The following EBF3 variants were observed in gnomAD, a reference collection of about 807,000 sequenced individuals.
The protein encoded by EBF3 is transcription factor COE3.
Under a neutral mutation model 77.1 loss-of-function variants are expected in EBF3, and 18 were observed. That is an observed-to-expected ratio of 0.23 (90% CI 0.16 to 0.35). The LOEUF (loss-of-function observed/expected upper bound fraction) is 0.35. Ranked by LOEUF, EBF3 falls within the 10% of genes least tolerant of loss-of-function variation. EBF3 has a pLI of 1.00. For synonymous variants in EBF3, 350 were observed against 343.5 expected, an observed-to-expected ratio of 1.02 and a Z score of -0.21; for missense variants, 558 against 860.0, an observed-to-expected ratio of 0.65 and a Z score of 4.39.
intron 6 of EBF3, among the ~76,000 whole-genome samples, chr10:129,884,666 C>T (rs947474251): frequency 1.3e-4 from 20 of 152,320 alleles, no homozygotes; most frequent in Non-Finnish European, 2.9e-4. Context: ...GGGGGCTCCC[C>T]TCTCCAGGCG....
At chr10:129,960,904 G>C (rs1859463453) in intron 4 of EBF3, among the ~76,000 whole-genome samples, 1 of 152,030 alleles carries the variant, frequency 6.6e-6, no homozygotes, top group South Asian at 2.1e-4. Flanking sequence ...GAGTTCCAGA[G>C]GCTTCTCTGA....
rs1394717494 is a variant in EBF3, at chr10:129,837,884, TC to T, written c.*58del. The T allele has an allele frequency of 6.2e-7, 1 of 1,613,770 alleles. No homozygotes were observed. The highest frequency in any genetic ancestry group is 1.3e-5 in the African/African-American group (1 of 75,056). On this transcript the variant is annotated 3_prime_UTR_variant, in exon 17 of 17. Transcript: ENST00000440978. ...AATATACTAAACGTGTCCCCTGAAG[TC>T]CGTCCTTTGATGCTGGGTGCTGCGG...
chr10:129,903,800 T>C (rs1477682936), intron 6 of EBF3, among the ~76,000 whole-genome samples: 1 of 152,182 alleles, frequency 6.6e-6, no homozygotes, highest in Non-Finnish European at 1.5e-5. Flanking sequence ...GGAATTTTAA[T>C]TGCTGCAAAG....
At chr10:129,862,759 A>G (rs1851729927) in intron 10 of EBF3, among the ~76,000 whole-genome samples, 1 of 152,236 alleles carries the variant, frequency 6.6e-6, no homozygotes, top group Non-Finnish European at 1.5e-5. Context: ...AATTAGATGC[A>G]TACAAATTCC....
chr10:129,922,802 C>A (rs1465188384), intron 6 of EBF3, among the ~76,000 whole-genome samples: 2 of 152,228 alleles, frequency 1.3e-5, no homozygotes, highest in Non-Finnish European at 2.9e-5. Flanking sequence ...ACATCTTACA[C>A]AACCCAGCAC....
At chr10:129,873,289 T>A (rs893512502) in intron 8 of EBF3, among the ~76,000 whole-genome samples, 163 bp downstream of exon 8, 4 of 152,186 alleles carry the variant, frequency 2.6e-5, no homozygotes, top group African/African-American at 9.6e-5. Context: ...AGGAGGGCTG[T>A]CTCCCCTTCC....
At position 129,957,439 on chromosome 10, in the gene EBF3, A is replaced by G. The variant is rs1257384393; in HGVS notation, c.486-113T>C. ...AATGAAGCGGTAGGAGTCAACTACC[A>G]AGGCAGTTTGGAGAATTTAAACCCA... On this transcript the variant is annotated intron_variant, in intron 5 of 16. Transcript: ENST00000440978. 5.7e-5 allele frequency: 48 copies of G among 838,528 alleles called. 1 individual carries two copies. The Admixed American group carries it at 1.2e-3, about 21-fold the overall frequency. 51.9% of individuals were successfully genotyped at this position (838,528 alleles called of 1,614,324 possible). A position where few individuals can be genotyped will look rare whatever the true frequency, so the allele number is the denominator to read the frequency against.
In EBF3 at chr10:129,835,769, G is replaced by A. The variant is rs969970993; in HGVS notation, c.*2174C>T. 2 of 150,924 alleles carry A rather than the reference G, an allele frequency of 1.3e-5. No homozygotes were observed. The highest frequency in any genetic ancestry group is 3.4e-3 in the Middle Eastern group (1 of 294). 9.3% of individuals were successfully genotyped at this position (150,924 alleles called of 1,614,324 possible). A position where few individuals can be genotyped will look rare whatever the true frequency, so the allele number is the denominator to read the frequency against. On this transcript the variant is annotated 3_prime_UTR_variant, in exon 17 of 17. Transcript: ENST00000440978. ...AGGTATTTTAAAGTCCCTCCTTTTT[G>A]TTTTAAATTCGATTTCTGCTGCAGT...
At chr10:129,915,499 A>ACAC (rs59533376) in intron 6 of EBF3, among the ~76,000 whole-genome samples, 7,031 of 91,130 alleles carry the variant, frequency 0.077, 221 homozygotes, top group African/African-American at 0.16. Context: ...CACACACACA[A>ACAC]AAAAGCCAAG....
chr10:129,936,788 A>ACCCTCG (rs1857396065), intron 6 of EBF3, among the ~76,000 whole-genome samples: 2 of 151,662 alleles, frequency 1.3e-5, no homozygotes, highest in African/African-American at 4.8e-5. Context: ...GGGGACCCTC[A>ACCCTCG]GCTGTGTGGG....
chr10:129,944,125 TAAATA>T lies in EBF3; in HGVS notation c.554+13128_554+13132del, dbSNP rs1307652180. On this transcript the variant is annotated intron_variant, in intron 6 of 16. Transcript: ENST00000440978. This position sits in a 1 kb window ranked among gnomAD's most constrained non-coding sequence, Gnocchi z 5.1. ...TAATCAAGTTATTCCTGTAAAATCC[TAAATA>T]AAATGAGAATTTTATTAAAGATATT... 3.9e-5 allele frequency among the ~76,000 whole-genome samples: 6 copies of T among 152,220 alleles called. No individual in the cohort carries two copies. Among genetic ancestry groups the T allele is most frequent in the Admixed American group, 1.3e-4 (2 of 15,284 alleles).
chr10:129,869,213 T>C (rs1158989126), intron 8 of EBF3, among the ~76,000 whole-genome samples: 1 of 152,154 alleles, frequency 6.6e-6, no homozygotes, highest in Non-Finnish European at 1.5e-5. Flanking sequence ...TGCCTTAGCA[T>C]TTGGGGGTGT....
chr10:129,947,675 C>A lies in EBF3; in HGVS notation c.554+9583G>T, dbSNP rs1858329500. 1.4e-5 allele frequency among the ~76,000 whole-genome samples: 2 copies of A among 147,082 alleles called. No individual in the cohort carries two copies. ...TTCATTTCTTTCTTTGCAAAGGAACCAAATGCTTTGAAAAAAAAAAAAAAA... is the reference window on the plus strand; with the variant it reads ...TTCATTTCTTTCTTTGCAAAGGAACAAAATGCTTTGAAAAAAAAAAAAAAA... On this transcript the variant is annotated intron_variant, in intron 6 of 16. Coordinates refer to ENST00000440978, the MANE Select transcript of EBF3 (RefSeq NM_001375380.1). This position sits in a 1 kb window ranked among gnomAD's most constrained non-coding sequence, Gnocchi z 4.5.
chr10:129,917,340 G>C (rs923221698), intron 6 of EBF3, among the ~76,000 whole-genome samples: 3 of 152,152 alleles, frequency 2.0e-5, no homozygotes, highest in African/African-American at 7.2e-5. Context: ...CTGCACTCCA[G>C]CCTGAGCGAC....
In EBF3 at chr10:129,867,810, A is replaced by T; in HGVS notation, c.884T>A (p.Val295Glu). The change falls in exon 9 of 17, where the codon GTA (valine) becomes GAA (glutamate). Residue 295 changes from valine (V) to glutamate (E), a missense_variant. Val to Glu is a moderately radical substitution (Grantham distance 121, BLOSUM62 -2). Around this residue, in one of 5 missense-constraint regions of EBF3, gnomAD observed 112 missense variants for 207.7 expected, o/e 0.54. Transcript: ENST00000440978. The part of the protein sequence containing the change: ...GDNFFDGLQV[V>E]FGTMLVWSEL... ...GCTCCACACCAACATAGTTCCGAATACAACTTGCAGCCCGTCAAAGAAGTT... is the reference window on the plus strand; with the variant it reads ...GCTCCACACCAACATAGTTCCGAATTCAACTTGCAGCCCGTCAAAGAAGTT... 1 of 1,614,234 alleles carries T rather than the reference A, an allele frequency of 6.2e-7. No individual in the cohort carries two copies. The highest frequency in any genetic ancestry group is 8.5e-7 in the Non-Finnish European group (1 of 1,180,042).
At position 129,840,302 on chromosome 10, in the gene EBF3, G is replaced by A; in HGVS notation, c.1702C>T (p.Arg568Trp). Residue 568 changes from arginine (R) to tryptophan (W), a missense_variant, in exon 15 of 17, where the codon CGG (arginine) becomes TGG (tryptophan). Arg to Trp is a moderately radical substitution (Grantham distance 101). Around this residue, in one of 5 missense-constraint regions of EBF3, gnomAD observed 284 missense variants for 368.3 expected, o/e 0.77. Coordinates refer to ENST00000440978, the MANE Select transcript of EBF3 (RefSeq NM_001375380.1). The part of the protein sequence containing the change: ...KQKSAFAPVV[R>W]PQASPPPSCT... ...GAAGGAGGAGGAGAGGCTTGGGGCC[G>A]GACCACGGGCGCGAAGGCGCTCTTC... The A allele has an allele frequency of 6.3e-7, 1 of 1,593,596 alleles. No homozygotes were observed. Among genetic ancestry groups the A allele is most frequent in the South Asian group, 1.1e-5 (1 of 87,480 alleles).
At chr10:129,955,014 C>T (rs1858936413) in intron 6 of EBF3, among the ~76,000 whole-genome samples, 1 of 152,104 alleles carries the variant, frequency 6.6e-6, no homozygotes, top group South Asian at 2.1e-4. Flanking sequence ...ATAGGTATTC[C>T]TCTTTCTCTG....
chr10:129,908,387 A>C (rs1163023219), intron 6 of EBF3, among the ~76,000 whole-genome samples: 2 of 152,222 alleles, frequency 1.3e-5, no homozygotes, highest in Non-Finnish European at 2.9e-5. Context: ...GCTAGTTTGC[A>C]CCTAAATACC....
At chr10:129,962,067 G>GA (rs1023918006) in intron 4 of EBF3, 104 bp downstream of exon 4, 11 of 1,088,908 alleles carry the variant, frequency 1.0e-5, no homozygotes, top group Non-Finnish European at 1.5e-5. Context: ...AAACTCAATG[G>GA]AAAACAAATA....
Sources: allele counts gnomAD v4.1 joint callset (sites outside exome capture counted in the v4.1 genomes callset), GRCh38; gene constraint gnomAD v4.1.1; regional missense constraint gnomAD v4.1.1; non-coding constraint Gnocchi (gnomAD v3.1); transcripts MANE v1.5; gene names NCBI Gene and HGNC (gene_info 2026-07-23, HGNC 2026-07-21).